Variants in RPL7L1 observed in about 807,000 individuals in gnomAD.
The protein encoded by RPL7L1 is ribosomal protein L7 like 1.
RPL7L1 carries 20 observed loss-of-function variants against 30.3 expected under a neutral mutation model. That is an observed-to-expected ratio of 0.66 (90% confidence interval 0.46 to 0.96). The LOEUF (loss-of-function observed/expected upper bound fraction) is 0.96. Among genes scored for constraint, RPL7L1 ranks in the 40% least tolerant of loss-of-function variants. RPL7L1 has a pLI of 0.00. For missense variants in RPL7L1, 271 were observed against 314.9 expected (o/e 0.86, Z 1.05); for synonymous variants, 107 against 110.1 (o/e 0.97, Z 0.18).
intron 2 of RPL7L1, chr6:42,881,831 T>G: frequency 6.6e-6 from 1 of 152,016 alleles, no homozygotes; most frequent in Non-Finnish European, 1.5e-5. Flanking sequence ...GATCTTGGCT[T>G]ACCACAACCT....
In RPL7L1 at chr6:42,888,260, T is replaced by G. The variant is rs1766350123; in HGVS notation, c.*1796T>G. 1 of 152,294 alleles carries G rather than the reference T, an allele frequency of 6.6e-6. No individual in the cohort carries two copies. Among genetic ancestry groups the G allele is most frequent in the African/African-American group, 2.4e-5 (1 of 41,464 alleles). The allele number at this position is 152,294 out of a possible 1,614,324, so 9.4% of individuals were successfully genotyped here. A position where few individuals can be genotyped will look rare whatever the true frequency, so the allele number is the denominator to read the frequency against. ...GCCTCCACCTCCTGGGTTCAAGTGA[T>G]TCTGCCTCAGCCCCTTGATCAGCTG... On this transcript the variant is annotated 3_prime_UTR_variant, in exon 6 of 6. Transcript: ENST00000493763.
rs781059579 is a variant in RPL7L1, at chr6:42,886,387, G to A, written c.691G>A (p.Val231Met). 3.8e-6 allele frequency: 6 copies of A among 1,598,746 alleles called. No individual in the cohort carries two copies. The East Asian group carries it at 1.1e-4, about 30-fold the overall frequency. Residue 231 changes from valine (V) to methionine (M), a missense_variant, in exon 6 of 6, where the codon GTG (valine) becomes ATG (methionine). By Grantham distance (21) the Val-to-Met change is conservative. Transcript: ENST00000493763. ...SVARHATKNR[V>M]GFLKEMGTPG... Reference sequence around the variant, plus strand: ...GGCCCGTCATGCTACCAAAAATAGAGTGGGCTTCCTCAAGGAGATGGGCAC... The same window carrying A: ...GGCCCGTCATGCTACCAAAAATAGAATGGGCTTCCTCAAGGAGATGGGCAC...
intron 2 of RPL7L1, chr6:42,881,248 GA>G (rs1375921917): frequency 1.5e-5 from 3 of 197,858 alleles, no homozygotes. Flanking sequence ...GGCGTATCAC[GA>G]GGTCAGGAGA....
chr6:42,881,615 G>C (rs182270194), intron 2 of RPL7L1: 1 of 152,088 alleles, frequency 6.6e-6, no homozygotes, highest in East Asian at 1.9e-4. Context: ...CTCTTGCCTA[G>C]AGTGGAGTGC....
Position 42,889,364 on chromosome 6 carries a change from C to T in RPL7L1, c.*2900C>T, listed in dbSNP as rs1478616513. 6.6e-6 allele frequency: 1 copy of T among 150,822 alleles called. No homozygotes were observed. Among genetic ancestry groups the T allele is most frequent in the Non-Finnish European group, 1.5e-5 (1 of 67,868 alleles). The allele number at this position is 150,822 out of a possible 1,614,324, so 9.3% of individuals were successfully genotyped here. A position where few individuals can be genotyped will look rare whatever the true frequency, so the allele number is the denominator to read the frequency against. ...CTGAGGCAAGAGAATTGCTTGAACCCAGGGAGGCAGAGGTTGCAGTGAGCC... is the reference window on the plus strand; with the variant it reads ...CTGAGGCAAGAGAATTGCTTGAACCTAGGGAGGCAGAGGTTGCAGTGAGCC... On this transcript the variant is annotated 3_prime_UTR_variant, in exon 6 of 6. Transcript: ENST00000493763.
chr6:42,883,302 C>T (rs529840557), intron 2 of RPL7L1, 149 bp from the exon 3 acceptor site: 6 of 566,568 alleles, frequency 1.1e-5, no homozygotes, highest in South Asian at 9.7e-5. Context: ...TCTCATTTTT[C>T]CTTTATATGA....
At position 42,879,814 on chromosome 6, in the gene RPL7L1, T is replaced by A; in HGVS notation, c.-97T>A. 7.5e-7 allele frequency: 1 copy of A among 1,338,800 alleles called. No individual in the cohort carries two copies. Among genetic ancestry groups the A allele is most frequent in the South Asian group, 1.2e-5 (1 of 84,688 alleles). The allele number at this position is 1,338,800 out of a possible 1,614,324, so 82.9% of individuals were successfully genotyped here. A position where few individuals can be genotyped will look rare whatever the true frequency, so the allele number is the denominator to read the frequency against. ...ACCTCAAGGGCTCACTGCGGCTAAG[T>A]GAACGCTGACTGGTCCTCCAGCGTG... is the stretch of plus-strand genomic sequence containing the variant. On this transcript the variant is annotated 5_prime_UTR_variant, in exon 1 of 6. Coordinates refer to ENST00000493763, the MANE Select transcript of RPL7L1 (RefSeq NM_001366481.3).
intron 1 of RPL7L1, 85 bp downstream of exon 1, chr6:42,880,036 C>A: frequency 7.6e-7 from 1 of 1,320,194 alleles, no homozygotes; most frequent in Non-Finnish European, 1.1e-6. Context: ...GTGGCGGATT[C>A]CTGTGGGCTC....
Position 42,886,017 on chromosome 6 carries a change from G to T in RPL7L1, c.493G>T (p.Gly165Ter). The change falls in exon 5 of 6, where the codon GGA (glycine) becomes TGA (stop). Residue 165 changes from glycine to a stop codon, truncating the protein, a stop_gained. Transcript: ENST00000493763. LOFTEE classifies it high-confidence loss of function. Reference protein sequence around the residue: ...KSVRELILKRGQAKVKNKTIP... With the variant: ...KSVRELILKR ...TGTCCGAGAACTCATTTTGAAACGT[G>T]GACAAGCCAAGGTCAAGAATAAGAC... The T allele has an allele frequency of 1.9e-6, 3 of 1,610,550 alleles. No individual in the cohort carries two copies. The highest frequency in any genetic ancestry group is 2.5e-6 in the Non-Finnish European group (3 of 1,178,046).
chr6:42,886,308 A>G lies in RPL7L1; in HGVS notation c.612A>G (p.Pro204=), dbSNP rs1405228820. 1 of 1,611,134 alleles carries G rather than the reference A, an allele frequency of 6.2e-7. No homozygotes were observed. The highest frequency in any genetic ancestry group is 8.5e-7 in the Non-Finnish European group (1 of 1,179,890). Residue 204 remains proline (P), a synonymous_variant, in exon 6 of 6, where the codon CCA becomes CCG. Transcript: ENST00000493763. ...LEDLIHEIAF[P]GKHFQEISWF... is the part of the protein sequence containing the mutation. Reference sequence around the variant, plus strand: ...ACCTCATTCATGAAATTGCCTTCCCAGGGAAGCATTTCCAGGAGATCTCAT... The same window carrying G: ...ACCTCATTCATGAAATTGCCTTCCCGGGGAAGCATTTCCAGGAGATCTCAT...
intron 1 of RPL7L1, chr6:42,880,444 C>G (rs1318963974): frequency 4.5e-6 from 1 of 221,254 alleles, no homozygotes; most frequent in African/African-American, 2.3e-5. Flanking sequence ...TACTTGAAAA[C>G]AGTAATGTTC....
rs370025817 is a variant in RPL7L1 at position 42,886,275 on chromosome 6, C to G, written c.579C>G (p.Cys193Trp). The change falls in exon 6 of 6, where the codon TGC becomes TGG. Residue 193 changes from cysteine (C) to tryptophan (W), a missense_variant. Coordinates refer to ENST00000493763, the MANE Select transcript of RPL7L1 (RefSeq NM_001366481.3). ...EEHLGKFGVI[C>W]LEDLIHEIAF... ...TCTTAGGGAAGTTTGGCGTCATTTG[C>G]TTGGAAGACCTCATTCATGAAATTG... 10 of 1,610,992 alleles carry G rather than the reference C, an allele frequency of 6.2e-6. No homozygotes were observed. The highest frequency in any genetic ancestry group is 8.5e-6 in the Non-Finnish European group (10 of 1,179,162).
rs145229627 is a variant in RPL7L1, at chr6:42,879,862, G to A, written c.-49G>A. 1,010 of 1,604,116 alleles carry A rather than the reference G, an allele frequency of 6.3e-4. 2 individuals carry two copies. Among genetic ancestry groups the A allele is most frequent in the Middle Eastern group, 2.1e-3 (11 of 5,146 alleles). On this transcript the variant is annotated 5_prime_UTR_variant, in exon 1 of 6. Coordinates refer to ENST00000493763, the MANE Select transcript of RPL7L1 (RefSeq NM_001366481.3). The stretch of plus-strand genomic sequence containing the variant: ...GTGAGCTAGAACAGACGTCTCTATG[G>A]TCAAGTAAACAGAGCGTGTGCTGTC...
chr6:42,881,797 A>G (rs1346622254), intron 2 of RPL7L1: 1 of 151,880 alleles, frequency 6.6e-6, no homozygotes, highest in East Asian at 1.9e-4. Flanking sequence ...TCACTCTGTC[A>G]CCCAGGCTGG....
chr6:42,886,381 A>G lies in RPL7L1; in HGVS notation c.685A>G (p.Asn229Asp). Residue 229 changes from asparagine to aspartate, a missense_variant, in exon 6 of 6, where the codon AAT (asparagine) becomes GAT (aspartate). Asn to Asp is a conservative substitution (Grantham distance 23, BLOSUM62 1). Transcript: ENST00000493763. The part of the protein sequence containing the change: ...HLSVARHATK[N>D]RVGFLKEMGT... ...CTCAGTGGCCCGTCATGCTACCAAA[A>G]ATAGAGTGGGCTTCCTCAAGGAGAT... The G allele has an allele frequency of 6.3e-7, 1 of 1,599,654 alleles. No individual in the cohort carries two copies. The highest frequency in any genetic ancestry group is 2.2e-5 in the East Asian group (1 of 44,854).
intron 3 of RPL7L1, 156 bp downstream of exon 3, chr6:42,883,770 G>A: frequency 2.0e-6 from 1 of 491,746 alleles, no homozygotes; most frequent in African/African-American, 2.0e-5. Context: ...ATATTTGGAA[G>A]ACCTTAGACA....
chr6:42,880,319 C>T (rs374887913), intron 1 of RPL7L1, among the ~76,000 whole-genome samples: 3 of 152,092 alleles, frequency 2.0e-5, no homozygotes, highest in Non-Finnish European at 1.5e-5. Flanking sequence ...TTATACGAAC[C>T]CAGAGGCTAA....
At chr6:42,884,850 G>A in intron 4 of RPL7L1, 100 bp downstream of exon 4, 3 of 1,221,442 alleles carry the variant, frequency 2.5e-6, no homozygotes, top group Non-Finnish European at 3.5e-6. Flanking sequence ...CTGTAGAAGG[G>A]ACATTTTGCT....
chr6:42,880,536 G>T (rs1262781495), intron 1 of RPL7L1: 2 of 235,974 alleles, frequency 8.5e-6, no homozygotes, highest in Non-Finnish European at 1.7e-5. Flanking sequence ...GTTTTGAGAC[G>T]GAGTCTTGCT....
Sources: allele counts gnomAD v4.1 joint callset (sites outside exome capture counted in the v4.1 genomes callset), GRCh38; gene constraint gnomAD v4.1.1; transcripts MANE v1.5; gene names NCBI Gene and HGNC (gene_info 2026-07-23, HGNC 2026-07-21).